Variants in MSRA observed in about 807,000 individuals in gnomAD.
MSRA encodes methionine sulfoxide reductase A.
Under a neutral mutation model 31.3 loss-of-function variants are expected in MSRA, and 54 were observed. That is an observed-to-expected ratio of 1.73 (90% CI 1.39 to 2.17). MSRA has a LOEUF of 2.17. Ranked by LOEUF, MSRA falls within the 30% of genes most tolerant of loss-of-function variation. MSRA has a pLI of 0.00. For missense variants in MSRA, 507 were observed against 300.9 expected (o/e 1.69, Z -5.07); for synonymous variants, 169 against 116.5 (o/e 1.45, Z -2.90).
intron 5 of MSRA, chr8:10,337,834 T>C (rs1307096394): frequency 2.8e-6 from 2 of 702,268 alleles, no homozygotes; most frequent in Non-Finnish European, 5.2e-6. Context: ...TGCAGCAAGG[T>C]GCCTTCTTTC....
intron 3 of MSRA, among the ~76,000 whole-genome samples, chr8:10,278,362 G>T (rs1374647981): frequency 6.6e-6 from 1 of 152,250 alleles, no homozygotes; most frequent in East Asian, 1.9e-4. Flanking sequence ...AGTAGATCCA[G>T]CAAATGTACC....
At chr8:10,081,459 G>C (rs192236721) in intron 1 of MSRA, among the ~76,000 whole-genome samples, 1 of 152,154 alleles carries the variant, frequency 6.6e-6, no homozygotes, top group Non-Finnish European at 1.5e-5. Context: ...GGCATCTCCA[G>C]ATGCTACCTC....
chr8:10,255,875 A>G (rs2129089525), intron 3 of MSRA, among the ~76,000 whole-genome samples: 1 of 152,182 alleles, frequency 6.6e-6, no homozygotes, highest in Non-Finnish European at 1.5e-5. Flanking sequence ...TTAGGTTCAC[A>G]GCAAAACTGA....
intron 1 of MSRA, among the ~76,000 whole-genome samples, chr8:10,060,264 G>C (rs1257857985): frequency 6.6e-6 from 1 of 152,180 alleles, no homozygotes. Flanking sequence ...TGTCACAATG[G>C]ATATGCAGCT....
intron 1 of MSRA, among the ~76,000 whole-genome samples, chr8:10,184,350 C>T (rs917831058): frequency 1.8e-4 from 27 of 151,942 alleles, no homozygotes; most frequent in African/African-American, 6.3e-4. Flanking sequence ...GACACTAATA[C>T]ATTCTAAACC....
At chr8:10,400,885 C>T (rs922837660) in intron 5 of MSRA, among the ~76,000 whole-genome samples, 1 of 152,134 alleles carries the variant, frequency 6.6e-6, no homozygotes, top group Non-Finnish European at 1.5e-5. Flanking sequence ...CAAAATGGAT[C>T]AAAGACCTAA....
intron 5 of MSRA, among the ~76,000 whole-genome samples, chr8:10,345,421 C>T: frequency 6.6e-6 from 1 of 152,126 alleles, no homozygotes; most frequent in Non-Finnish European, 1.5e-5. Flanking sequence ...ATTCACATTC[C>T]TCATGAATGA....
chr8:10,214,243 C>T (rs568069481), intron 2 of MSRA, among the ~76,000 whole-genome samples: 1 of 152,156 alleles, frequency 6.6e-6, no homozygotes, highest in Non-Finnish European at 1.5e-5. Context: ...ATGGACAGGT[C>T]CCGGAGCAGG....
rs544188800 is a variant in MSRA at position 10,289,257 on chromosome 8, T to C, written c.332-12277T>C. ...CTTGATATCTTGACCTCATAATCTG[T>C]CCACCTCGGTCTCCCAGAGTGCTGG... On this transcript the variant is annotated intron_variant, in intron 3 of 5. Transcript: ENST00000317173. Among the ~76,000 whole-genome samples, 3 of 152,172 alleles carry C rather than the reference T, an allele frequency of 2.0e-5. No individual in the cohort carries two copies. In the East Asian group the frequency reaches 5.8e-4, roughly 29 times the overall value.
intron 1 of MSRA, among the ~76,000 whole-genome samples, chr8:10,088,007 A>G (rs1798656580): frequency 6.6e-6 from 1 of 152,180 alleles, no homozygotes; most frequent in Non-Finnish European, 1.5e-5. Context: ...CTAGGACCTC[A>G]CCTGCTTATC....
intron 3 of MSRA, among the ~76,000 whole-genome samples, chr8:10,259,731 G>T (rs190323627): frequency 6.6e-6 from 1 of 152,220 alleles, no homozygotes; most frequent in African/African-American, 2.4e-5. Flanking sequence ...CAGTCCAGGC[G>T]TGTGGGGGAG....
At chr8:10,103,237 TAGTC>T (rs1268241886) in intron 1 of MSRA, among the ~76,000 whole-genome samples, 2 of 152,182 alleles carry the variant, frequency 1.3e-5, no homozygotes, top group Admixed American at 6.5e-5. Flanking sequence ...ATATTAAAAA[TAGTC>T]AGAAGAAACA....
At chr8:10,232,552 C>G (rs1443164951) in intron 2 of MSRA, among the ~76,000 whole-genome samples, 1 of 152,196 alleles carries the variant, frequency 6.6e-6, no homozygotes, top group Non-Finnish European at 1.5e-5. Flanking sequence ...TGAACAATCA[C>G]AATCACAGAT....
intron 3 of MSRA, among the ~76,000 whole-genome samples, chr8:10,284,126 C>G (rs1433556677): frequency 6.6e-6 from 1 of 151,962 alleles, no homozygotes; most frequent in Non-Finnish European, 1.5e-5. Context: ...CACTGCTTTT[C>G]TGCTTTTCTT....
intron 5 of MSRA, among the ~76,000 whole-genome samples, chr8:10,361,750 A>C (rs1414309342): frequency 6.6e-6 from 1 of 152,248 alleles, no homozygotes; most frequent in East Asian, 1.9e-4. Flanking sequence ...GCACCTACTT[A>C]AAGTAACTCT....
intron 1 of MSRA, among the ~76,000 whole-genome samples, chr8:10,113,042 G>A (rs1800399628): frequency 6.6e-6 from 1 of 152,038 alleles, no homozygotes; most frequent in Non-Finnish European, 1.5e-5. Context: ...TTCTCTGTCT[G>A]CAGCTCCATC....
intron 5 of MSRA, among the ~76,000 whole-genome samples, chr8:10,395,298 AG>A (rs1350859612): frequency 6.6e-6 from 1 of 152,098 alleles, no homozygotes; most frequent in African/African-American, 2.4e-5. Context: ...TGGGTAAGGG[AG>A]AGGCAATGCC....
chr8:10,221,071 A>G (rs1433690875), intron 2 of MSRA, among the ~76,000 whole-genome samples: 1 of 152,182 alleles, frequency 6.6e-6, no homozygotes, highest in African/African-American at 2.4e-5. Context: ...GGATGGCCAC[A>G]TGATGGGGAA....
intron 5 of MSRA, among the ~76,000 whole-genome samples, chr8:10,407,501 G>A (rs1204946332): frequency 6.6e-6 from 1 of 152,242 alleles, no homozygotes; most frequent in Non-Finnish European, 1.5e-5. Flanking sequence ...GACATTGGAT[G>A]GGGAGAGTTG....
Sources: allele counts gnomAD v4.1 joint callset (sites outside exome capture counted in the v4.1 genomes callset), GRCh38; gene constraint gnomAD v4.1.1; transcripts MANE v1.5; gene names NCBI Gene and HGNC (gene_info 2026-07-23, HGNC 2026-07-21).